Variants in ADAMTS17 observed in about 807,000 individuals in gnomAD.
The protein encoded by ADAMTS17 is A disintegrin and metalloproteinase with thrombospondin motifs 17.
Under a neutral mutation model 141.5 loss-of-function variants are expected in ADAMTS17, and 113 were observed. The ratio of observed to expected loss-of-function variants is 0.80; its 90% confidence interval spans 0.69 to 0.93. The LOEUF (loss-of-function observed/expected upper bound fraction) is 0.93. ADAMTS17 is among the 40% of genes least tolerant of loss of function. The pLI is 0.00. For missense variants in ADAMTS17, 1,659 were observed against 1,517.9 expected, an observed-to-expected ratio of 1.09 and a Z score of -1.54; for synonymous variants, 768 against 630.6, an observed-to-expected ratio of 1.22 and a Z score of -3.27.
At chr15:100,302,847 G>A (rs2045089980) in intron 3 of ADAMTS17, among the ~76,000 whole-genome samples, 1 of 152,210 alleles carries the variant, frequency 6.6e-6, no homozygotes, top group African/African-American at 2.4e-5. Flanking sequence ...CCTTAATCTA[G>A]GTGGGCATAA....
chr15:100,240,109 T>C (rs4297665), intron 7 of ADAMTS17, among the ~76,000 whole-genome samples: 2,965 of 152,222 alleles, frequency 0.019, 56 homozygotes, highest in South Asian at 0.054. Flanking sequence ...CTGTACTCAT[T>C]CCTGTAACCA....
chr15:100,034,304 G>C (rs1381769534), intron 18 of ADAMTS17, among the ~76,000 whole-genome samples: 1 of 152,254 alleles, frequency 6.6e-6, no homozygotes, highest in African/African-American at 2.4e-5. Context: ...GGCTGTCTGA[G>C]CCAGCACTTC....
At chr15:100,072,282 C>T (rs2034030261) in intron 15 of ADAMTS17, among the ~76,000 whole-genome samples, 1 of 148,614 alleles carries the variant, frequency 6.7e-6, no homozygotes, top group Non-Finnish European at 1.5e-5. Context: ...GAAGAACATT[C>T]CATGCTCATG....
At chr15:100,242,888 C>T (rs1325811118) in intron 7 of ADAMTS17, among the ~76,000 whole-genome samples, 1 of 152,142 alleles carries the variant, frequency 6.6e-6, no homozygotes, top group Admixed American at 6.5e-5. Context: ...CATTAAGTAC[C>T]TTCACACTGT....
intron 6 of ADAMTS17, among the ~76,000 whole-genome samples, chr15:100,260,841 A>C (rs9328574): frequency 0.47 from 71,697 of 151,626 alleles, 17,335 homozygotes; most frequent in East Asian, 0.57. Context: ...CTCTAATAAA[A>C]AGCTGGTATT....
At chr15:100,136,401 G>T (rs769529568) in intron 10 of ADAMTS17, among the ~76,000 whole-genome samples, 10 of 152,214 alleles carry the variant, frequency 6.6e-5, no homozygotes, top group Non-Finnish European at 1.2e-4. Context: ...ACTGCTCTCT[G>T]CACCCAAGCC....
intron 15 of ADAMTS17, among the ~76,000 whole-genome samples, chr15:100,081,991 CTT>C (rs1164978454): frequency 6.6e-6 from 1 of 152,204 alleles, no homozygotes; most frequent in African/African-American, 2.4e-5. Flanking sequence ...GACTCAGACT[CTT>C]TACTTACTAG....
At chr15:100,265,574 A>G (rs1201877833) in intron 4 of ADAMTS17, among the ~76,000 whole-genome samples, 2 of 152,206 alleles carry the variant, frequency 1.3e-5, no homozygotes, top group Non-Finnish European at 2.9e-5. Context: ...GTAGGGACAC[A>G]GCAAGGGAGG....
chr15:100,075,833 A>T (rs1009409591), intron 15 of ADAMTS17, among the ~76,000 whole-genome samples: 8 of 151,868 alleles, frequency 5.3e-5, no homozygotes, highest in African/African-American at 1.9e-4. Context: ...GTTTTTCTCA[A>T]TCCTGTCCTC....
At chr15:100,183,589 T>C (rs185768227) in intron 8 of ADAMTS17, among the ~76,000 whole-genome samples, 49 of 152,380 alleles carry the variant, frequency 3.2e-4, no homozygotes, top group Non-Finnish European at 1.0e-4. Flanking sequence ...TTATGATTTA[T>C]AATCGTCGTT....
intron 20 of ADAMTS17, among the ~76,000 whole-genome samples, chr15:99,981,997 T>C (rs2141287808): frequency 6.6e-6 from 1 of 152,328 alleles, no homozygotes; most frequent in Admixed American, 6.5e-5. Context: ...GGGGTGCCTG[T>C]TGGCATGCTA....
intron 7 of ADAMTS17, among the ~76,000 whole-genome samples, chr15:100,231,954 C>A (rs768661418): frequency 1.7e-4 from 26 of 152,196 alleles, no homozygotes; most frequent in African/African-American, 6.3e-4. Context: ...CGTCCTTAGT[C>A]TCCACATCTA....
chr15:100,248,874 C>T (rs140837715), intron 7 of ADAMTS17, among the ~76,000 whole-genome samples: 2,251 of 151,804 alleles, frequency 0.015, 23 homozygotes, highest in Middle Eastern at 0.051. Context: ...TCTCGGCTCA[C>T]TGCAACCTCC....
At chr15:100,039,975 TA>T (rs1363024132) in intron 18 of ADAMTS17, among the ~76,000 whole-genome samples, 2 of 152,196 alleles carry the variant, frequency 1.3e-5, no homozygotes, top group African/African-American at 4.8e-5. Context: ...GTAGTTTTTT[TA>T]AAAAAATCTT....
chr15:100,293,337 T>C (rs758755083), intron 3 of ADAMTS17, among the ~76,000 whole-genome samples: 4 of 152,232 alleles, frequency 2.6e-5, no homozygotes, highest in African/African-American at 4.8e-5. Flanking sequence ...TGTTTTTTAC[T>C]GGGTGGCATG....
chr15:100,190,232 G>A (rs2040867672), intron 8 of ADAMTS17, among the ~76,000 whole-genome samples: 1 of 152,164 alleles, frequency 6.6e-6, no homozygotes, highest in Non-Finnish European at 1.5e-5. Context: ...CTGGCTCCTG[G>A]AAACCACCAT....
intron 15 of ADAMTS17, among the ~76,000 whole-genome samples, chr15:100,075,195 C>T (rs910720872): frequency 6.6e-6 from 1 of 152,126 alleles, no homozygotes; most frequent in African/African-American, 2.4e-5. Flanking sequence ...TTTATTATAT[C>T]ATTTTGACAT....
At chr15:100,223,876 C>A (rs2042218873) in intron 7 of ADAMTS17, among the ~76,000 whole-genome samples, 1 of 151,776 alleles carries the variant, frequency 6.6e-6, no homozygotes, top group South Asian at 2.1e-4. Flanking sequence ...TTCACAAGGT[C>A]CCCCAATAGG....
intron 15 of ADAMTS17, among the ~76,000 whole-genome samples, chr15:100,076,306 G>A (rs547992459): frequency 4.6e-5 from 7 of 152,146 alleles, no homozygotes; most frequent in Non-Finnish European, 1.0e-4. Context: ...GCCTCCCAAA[G>A]TGCTGGGGTT....
Sources: allele counts gnomAD v4.1 joint callset (sites outside exome capture counted in the v4.1 genomes callset), GRCh38; gene constraint gnomAD v4.1.1; transcripts MANE v1.5; gene names NCBI Gene and HGNC (gene_info 2026-07-23, HGNC 2026-07-21).